SERPINH1: variants seen among roughly 807,000 people sequenced by gnomAD.
SERPINH1 encodes serpin H1.
In SERPINH1, 22 loss-of-function variants were observed where a neutral mutation model predicts 32.3. The ratio of observed to expected loss-of-function variants is 0.68; its 90% CI spans 0.49 to 0.97. SERPINH1 has a LOEUF of 0.97. Among genes scored for constraint, SERPINH1 ranks in the 50% least tolerant of loss-of-function variants. The pLI, the probability that SERPINH1 is intolerant of heterozygous loss-of-function variation, is 0.00. For missense variants in SERPINH1, 543 were observed against 576.4 expected, an observed-to-expected ratio of 0.94 and a Z score of 0.59; for synonymous variants, 251 against 245.9, an observed-to-expected ratio of 1.02 and a Z score of -0.19.
Position 75,572,162 on chromosome 11 carries a change from A to T in SERPINH1, c.*79A>T. On this transcript the variant is annotated 3_prime_UTR_variant, in exon 5 of 5. Coordinates refer to ENST00000358171, the MANE Select transcript of SERPINH1 (RefSeq NM_001235.5). Reference sequence around the variant, plus strand: ...ATGGGTGCTATTGGGGTTGGGGGGGAGGTGAGGTACCAGCCTTGGATACTC... The same window carrying T: ...ATGGGTGCTATTGGGGTTGGGGGGGTGGTGAGGTACCAGCCTTGGATACTC... 4.1e-5 allele frequency: 53 copies of T among 1,285,114 alleles called. No homozygotes were observed. Among genetic ancestry groups the T allele is most frequent in the Middle Eastern group, 2.5e-4 (1 of 3,960 alleles). The allele number at this position is 1,285,114 out of a possible 1,614,324, so 79.6% of individuals were successfully genotyped here. A position where few individuals can be genotyped will look rare whatever the true frequency, so the allele number is the denominator to read the frequency against.
In SERPINH1 at chr11:75,566,928, G is replaced by A. The variant is rs559687602; in HGVS notation, c.579G>A (p.Glu193=). The A allele has an allele frequency of 1.4e-5, 22 of 1,605,078 alleles. No homozygotes were observed. Among genetic ancestry groups the A allele is most frequent in the Non-Finnish European group, 1.8e-5 (21 of 1,179,652 alleles). The change falls in exon 2 of 5, where the codon GAG becomes GAA. Residue 193 remains glutamate (E), a synonymous_variant. Coordinates refer to ENST00000358171, the MANE Select transcript of SERPINH1 (RefSeq NM_001235.5). ...GKLPEVTKDV[E]RTDGALLVNA... Reference sequence around the variant, plus strand: ...TGCCCGAGGTCACCAAGGACGTGGAGCGCACGGACGGCGCCCTGCTAGTCA... The same window carrying A: ...TGCCCGAGGTCACCAAGGACGTGGAACGCACGGACGGCGCCCTGCTAGTCA...
In SERPINH1 at chr11:75,566,896, G is replaced by C. The variant is rs758606932; in HGVS notation, c.547G>C (p.Gly183Arg). The C allele has an allele frequency of 6.2e-7, 1 of 1,608,892 alleles. No individual in the cohort carries two copies. Among genetic ancestry groups the C allele is most frequent in the Non-Finnish European group, 8.5e-7 (1 of 1,179,948 alleles). Residue 183 changes from glycine to arginine, a missense_variant, in exon 2 of 5, where the codon GGC becomes CGC. Transcript: ENST00000358171. ...INEWAAQTTD[G>R]KLPEVTKDVE... ...CGAGTGGGCCGCGCAGACCACCGAC[G>C]GCAAGCTGCCCGAGGTCACCAAGGA... is the stretch of plus-strand genomic sequence containing the variant.
chr11:75,568,891 C>T, intron 3 of SERPINH1, 48 bp from the exon 4 acceptor site: 1 of 1,605,834 alleles, frequency 6.2e-7, no homozygotes, highest in South Asian at 1.1e-5. Context: ...TTGGTCTGAC[C>T]CACCCCTGCA....
rs752546581 is a variant in SERPINH1, at chr11:75,566,453, A to T, written c.104A>T (p.Lys35Met). The change falls in exon 2 of 5, where the codon AAG becomes ATG. Residue 35 changes from lysine to methionine, a missense_variant. This residue lies in a region of SERPINH1 where 109 missense variants were observed against 102.4 expected (regional missense o/e 1.06). Transcript: ENST00000358171. ...AAAAAPGTAEKLSPKAATLAE... is the reference protein window; with the variant it reads ...AAAAAPGTAEMLSPKAATLAE... ...GCAGCAGCTCCTGGCACTGCGGAGA[A>T]GTTGAGCCCCAAGGCGGCCACGCTT... 10 of 1,612,336 alleles carry T rather than the reference A, an allele frequency of 6.2e-6. No individual in the cohort carries two copies. The African/African-American group carries it at 1.3e-4, about 22-fold the overall frequency.
chr11:75,570,277 G>A (rs1360532841), intron 4 of SERPINH1, among the ~76,000 whole-genome samples: 3 of 152,196 alleles, frequency 2.0e-5, no homozygotes, highest in East Asian at 3.8e-4. Context: ...AGAGCTTGGA[G>A]AGATAAAGCT....
chr11:75,566,677 G>A lies in SERPINH1; in HGVS notation c.328G>A (p.Gly110Ser). Residue 110 changes from glycine to serine, a missense_variant, in exon 2 of 5, where the codon GGC (glycine) becomes AGC (serine). By Grantham distance (56) the Gly-to-Ser change is moderately conservative (BLOSUM62 0). This residue lies in a region of SERPINH1 where 427 missense variants were observed against 446.4 expected (regional missense o/e 0.96). Coordinates refer to ENST00000358171, the MANE Select transcript of SERPINH1 (RefSeq NM_001235.5). ...EQLRDEEVHA[G>S]LGELLRSLSN... ...GCTGCGCGACGAGGAGGTGCACGCC[G>A]GCCTGGGCGAGCTGCTGCGCTCACT... The A allele has an allele frequency of 6.2e-7, 1 of 1,609,054 alleles. No individual in the cohort carries two copies. The highest frequency in any genetic ancestry group is 8.5e-7 in the Non-Finnish European group (1 of 1,178,302).
At chr11:75,567,559 T>C (rs927458899) in intron 2 of SERPINH1, among the ~76,000 whole-genome samples, 1 of 152,210 alleles carries the variant, frequency 6.6e-6, no homozygotes, top group Non-Finnish European at 1.5e-5. Context: ...TGGTCTCAAG[T>C]GATCTGCCCG....
At chr11:75,568,444 A>G in intron 2 of SERPINH1, 1 of 486,014 alleles carries the variant, frequency 2.1e-6, no homozygotes, top group South Asian at 2.0e-5. Flanking sequence ...GGGTGGCCAT[A>G]GAGGTGGCTG....
intron 2 of SERPINH1, 39 bp downstream of exon 2, chr11:75,567,010 C>CT (rs398115514): frequency 3.0e-5 from 47 of 1,582,606 alleles, no homozygotes; most frequent in Non-Finnish European, 3.9e-5. Flanking sequence ...CCTCCTCCTC[C>CT]CAGGACCCCC....
chr11:75,570,373 A>C (rs1942175510), intron 4 of SERPINH1, among the ~76,000 whole-genome samples: 1 of 151,972 alleles, frequency 6.6e-6, no homozygotes, highest in Non-Finnish European at 1.5e-5. Context: ...GTTCCTGGAG[A>C]GGGGTCACTG....
At chr11:75,568,123 C>T (rs1283498669) in intron 2 of SERPINH1, 1 of 164,906 alleles carries the variant, frequency 6.1e-6, no homozygotes, top group African/African-American at 2.4e-5. Context: ...ATGGCGAAAC[C>T]CCATGTCTAC....
rs1053319314 is a variant in SERPINH1 at position 75,566,940 on chromosome 11, C to T, written c.591C>T (p.Gly197=). The T allele has an allele frequency of 5.0e-6, 8 of 1,603,040 alleles. No individual in the cohort carries two copies. Among genetic ancestry groups the T allele is most frequent in the Non-Finnish European group, 6.8e-6 (8 of 1,179,286 alleles). The change falls in exon 2 of 5, where the codon GGC becomes GGT. Residue 197 remains glycine (G), a synonymous_variant. Transcript: ENST00000358171. ...EVTKDVERTD[G]ALLVNAMFFK... ...CCAAGGACGTGGAGCGCACGGACGG[C>T]GCCCTGCTAGTCAACGCCATGTTCT...
chr11:75,570,104 G>C (rs1942170548), intron 4 of SERPINH1, among the ~76,000 whole-genome samples: 1 of 151,994 alleles, frequency 6.6e-6, no homozygotes, highest in Non-Finnish European at 1.5e-5. Context: ...GCTCATAAGT[G>C]GTGGAGTTGC....
chr11:75,571,020 T>C (rs1389736005), intron 4 of SERPINH1, among the ~76,000 whole-genome samples: 1 of 152,110 alleles, frequency 6.6e-6, no homozygotes, highest in Non-Finnish European at 1.5e-5. Context: ...GCACAGGTCA[T>C]ATGTTAAAGA....
In SERPINH1 at chr11:75,566,780, A is replaced by G. The variant is rs1392852377; in HGVS notation, c.431A>G (p.Asp144Gly). 6.2e-7 allele frequency: 1 copy of G among 1,613,240 alleles called. No homozygotes were observed. Among genetic ancestry groups the G allele is most frequent in the Admixed American group, 1.7e-5 (1 of 60,030 alleles). ...GGACCCAGCTCAGTGAGCTTCGCTG[A>G]TGACTTCGTGCGCAGCAGCAAGCAG... The part of the protein sequence containing the change: ...LYGPSSVSFA[D>G]DFVRSSKQHY... The change falls in exon 2 of 5, where the codon GAT becomes GGT. Residue 144 changes from aspartate to glycine, a missense_variant. Physicochemically the swap from Asp to Gly is moderately conservative, Grantham distance 94 (BLOSUM62 -1). Transcript: ENST00000358171.
Position 75,566,721 on chromosome 11 carries a change from C to T in SERPINH1, c.372C>T (p.Arg124=). 4.3e-6 allele frequency: 7 copies of T among 1,612,694 alleles called. No homozygotes were observed. Among genetic ancestry groups the T allele is most frequent in the Non-Finnish European group, 5.9e-6 (7 of 1,179,698 alleles). ...LLRSLSNSTA[R]NVTWKLGSRL... The stretch of plus-strand genomic sequence containing the variant: ...GCTCACTCAGCAACTCCACGGCGCG[C>T]AACGTGACCTGGAAGCTGGGCAGCC... The change falls in exon 2 of 5, where the codon CGC becomes CGT. Residue 124 remains arginine, a synonymous_variant. Coordinates refer to ENST00000358171, the MANE Select transcript of SERPINH1 (RefSeq NM_001235.5).
chr11:75,568,832 A>T lies in SERPINH1; in HGVS notation c.721+3A>T, dbSNP rs1942143219. 3.7e-6 allele frequency: 6 copies of T among 1,611,648 alleles called. No individual in the cohort carries two copies. The highest frequency in any genetic ancestry group is 5.1e-6 in the Non-Finnish European group (6 of 1,177,720). ...TGTCATGATGATGCACCGGACAGGT[A>T]GGTGCTGTGAGGAGCAGGGTGTCAA... On this transcript the variant is annotated splice_donor_region_variant and intron_variant, in intron 3 of 4. Transcript: ENST00000358171.
intron 2 of SERPINH1, 44 bp from the exon 3 acceptor site, chr11:75,568,687 G>T: frequency 7.6e-7 from 1 of 1,316,476 alleles, no homozygotes; most frequent in Non-Finnish European, 1.1e-6. Context: ...TTGTGTTTGG[G>T]GGCGGCCATG....
In SERPINH1 at chr11:75,569,044, A is replaced by C. The variant is rs148613550; in HGVS notation, c.827A>C (p.Glu276Ala). 42 of 1,614,084 alleles carry C rather than the reference A, an allele frequency of 2.6e-5. No homozygotes were observed. The highest frequency in any genetic ancestry group is 3.5e-5 in the Non-Finnish European group (41 of 1,180,016). Residue 276 changes from glutamate (E) to alanine (A), a missense_variant, in exon 4 of 5, where the codon GAG becomes GCG. Glu to Ala is a moderately radical substitution (Grantham distance 107). Transcript: ENST00000358171. Reference sequence around the variant, plus strand: ...ATCATCCTCATGCCCCATCACGTGGAGCCTCTCGAGCGCCTTGAAAAGCTG... The same window carrying C: ...ATCATCCTCATGCCCCATCACGTGGCGCCTCTCGAGCGCCTTGAAAAGCTG... Reference protein sequence around the residue: ...SLIILMPHHVEPLERLEKLLT... With the variant: ...SLIILMPHHVAPLERLEKLLT...
Sources: allele counts gnomAD v4.1 joint callset (sites outside exome capture counted in the v4.1 genomes callset), GRCh38; gene constraint gnomAD v4.1.1; regional missense constraint gnomAD v4.1.1; transcripts MANE v1.5; gene names NCBI Gene and HGNC (gene_info 2026-07-23, HGNC 2026-07-21).